Variants in SPOCK1 observed in about 807,000 individuals in gnomAD.
SPOCK1 encodes the protein testican-1.
SPOCK1 carries 23 observed loss-of-function variants against 55.3 expected under a neutral mutation model. That is an observed-to-expected ratio of 0.42 (90% CI 0.30 to 0.59). The LOEUF (loss-of-function observed/expected upper bound fraction) is 0.59, where lower values mean the gene tolerates loss of function less well. Among genes scored for constraint, SPOCK1 ranks in the 20% least tolerant of loss-of-function variants. The pLI, the probability that SPOCK1 is intolerant of heterozygous loss-of-function variation, is 0.22. For synonymous variants in SPOCK1, 226 were observed against 221.0 expected (o/e 1.02, Z -0.20); for missense variants, 499 against 552.5 (o/e 0.90, Z 0.97).
intron 3 of SPOCK1, among the ~76,000 whole-genome samples, chr5:137,175,146 T>C (rs1754831019): frequency 6.6e-6 from 1 of 152,164 alleles, no homozygotes; most frequent in South Asian, 2.1e-4. Context: ...AAATGAGTTA[T>C]GAAGAGGGAG....
At chr5:137,288,357 C>G (rs1201916837) in intron 2 of SPOCK1, among the ~76,000 whole-genome samples, 1 of 152,222 alleles carries the variant, frequency 6.6e-6, no homozygotes, top group Non-Finnish European at 1.5e-5. Flanking sequence ...AATCCTAACT[C>G]TGTCCCAGGT....
intron 3 of SPOCK1, among the ~76,000 whole-genome samples, chr5:137,259,115 G>T (rs1046134919): frequency 6.6e-6 from 1 of 152,168 alleles, no homozygotes; most frequent in African/African-American, 2.4e-5. Context: ...CTACAAGACA[G>T]CTGTGATTAG....
At chr5:137,024,237 G>A (rs1229082961) in intron 6 of SPOCK1, among the ~76,000 whole-genome samples, 2 of 145,098 alleles carry the variant, frequency 1.4e-5, no homozygotes, top group African/African-American at 5.1e-5. Flanking sequence ...GAGGGTGACG[G>A]GTGTAATTAA....
rs757772514 is a variant in SPOCK1 at position 137,164,088 on chromosome 5, G to C, written c.233-23394C>G. ...TGCACTTTTGAGCACTACCAGGCAA[G>C]ACTGATTGCTTGCTGCCCCATAAAT... On this transcript the variant is annotated intron_variant, in intron 3 of 10. Transcript: ENST00000394945. Among the ~76,000 whole-genome samples the C allele has an allele frequency of 1.5e-3, 222 of 152,176 alleles. 6 individuals carry two copies. The highest frequency in any genetic ancestry group is 8.5e-4 in the Admixed American group (13 of 15,280).
chr5:137,054,587 G>A (rs982790692), intron 6 of SPOCK1, among the ~76,000 whole-genome samples: 2 of 152,180 alleles, frequency 1.3e-5, no homozygotes, highest in African/African-American at 4.8e-5. Flanking sequence ...GAGGACAAAG[G>A]AGTCAGTGTG....
At chr5:137,388,247 G>A (rs1347925598) in intron 2 of SPOCK1, among the ~76,000 whole-genome samples, 5 of 152,066 alleles carry the variant, frequency 3.3e-5, no homozygotes, top group Non-Finnish European at 7.4e-5. Flanking sequence ...TCATCTCCTG[G>A]GTAACAGCAT....
intron 2 of SPOCK1, among the ~76,000 whole-genome samples, chr5:137,438,008 C>T (rs1404903499): frequency 1.3e-5 from 2 of 152,248 alleles, no homozygotes; most frequent in East Asian, 3.9e-4. Flanking sequence ...AGAATCATAA[C>T]AGTATTTGTC....
chr5:137,076,373 G>T (rs571618056), intron 5 of SPOCK1, among the ~76,000 whole-genome samples: 1 of 152,264 alleles, frequency 6.6e-6, no homozygotes, highest in East Asian at 1.9e-4. Flanking sequence ...AGGTGCTCCT[G>T]AACTTACTAT....
intron 3 of SPOCK1, among the ~76,000 whole-genome samples, chr5:137,219,639 A>C (rs1255104842): frequency 6.6e-6 from 1 of 152,226 alleles, no homozygotes; most frequent in African/African-American, 2.4e-5. Context: ...GCCAGAAAAC[A>C]CACAGATGTG....
chr5:137,349,913 G>T (rs1380852512), intron 2 of SPOCK1, among the ~76,000 whole-genome samples: 1 of 152,124 alleles, frequency 6.6e-6, no homozygotes, highest in African/African-American at 2.4e-5. Flanking sequence ...TGAGGTACTG[G>T]GGATGAGGAC....
chr5:137,026,096 A>G (rs575491717), intron 6 of SPOCK1, among the ~76,000 whole-genome samples: 8 of 152,256 alleles, frequency 5.3e-5, no homozygotes, highest in African/African-American at 1.7e-4. Flanking sequence ...ACCTGAGGTC[A>G]TCTAGCTCTC....
chr5:137,313,573 G>T, intron 2 of SPOCK1: 1 of 732,574 alleles, frequency 1.4e-6, no homozygotes, highest in Non-Finnish European at 1.7e-6. Context: ...CTCTTAAAAT[G>T]AACCTGACCC....
chr5:137,394,262 T>TA (rs1751793469), intron 2 of SPOCK1, among the ~76,000 whole-genome samples: 6 of 152,240 alleles, frequency 3.9e-5, no homozygotes, highest in Admixed American at 3.9e-4. Context: ...CGGTAGACTG[T>TA]AAAACTCTTT....
At chr5:137,165,759 C>T (rs1050542049) in intron 3 of SPOCK1, among the ~76,000 whole-genome samples, 17 of 152,146 alleles carry the variant, frequency 1.1e-4, no homozygotes, top group Admixed American at 4.6e-4. Flanking sequence ...ACTTGAAAAA[C>T]GCAATTGGCA....
At chr5:137,043,837 TG>T (rs1752048852) in intron 6 of SPOCK1, among the ~76,000 whole-genome samples, 1 of 152,190 alleles carries the variant, frequency 6.6e-6, no homozygotes, top group African/African-American at 2.4e-5. Flanking sequence ...GATGAGATCC[TG>T]GAACAGAAAA....
chr5:137,021,657 C>G (rs1295629335), intron 6 of SPOCK1, among the ~76,000 whole-genome samples: 1 of 152,150 alleles, frequency 6.6e-6, no homozygotes, highest in Non-Finnish European at 1.5e-5. Context: ...ATCTGGCAGC[C>G]ATGAGAGAAC....
At chr5:137,396,613 G>T (rs781010605) in intron 2 of SPOCK1, among the ~76,000 whole-genome samples, 22 of 152,218 alleles carry the variant, frequency 1.4e-4, no homozygotes, top group Non-Finnish European at 2.5e-4. Context: ...ACACATCTAG[G>T]TTGTGATTAG....
intron 2 of SPOCK1, among the ~76,000 whole-genome samples, chr5:137,460,943 C>T (rs538479750): frequency 6.6e-6 from 1 of 152,188 alleles, no homozygotes; most frequent in Non-Finnish European, 1.5e-5. Flanking sequence ...GCCTTCCTGG[C>T]TGCTCTTATT....
intron 3 of SPOCK1, among the ~76,000 whole-genome samples, chr5:137,219,024 G>A (rs1561475236): frequency 6.6e-6 from 1 of 152,172 alleles, no homozygotes; most frequent in Non-Finnish European, 1.5e-5. Flanking sequence ...ACCTTAAGGA[G>A]GCATATGAGA....
Sources: allele counts gnomAD v4.1 joint callset (sites outside exome capture counted in the v4.1 genomes callset), GRCh38; gene constraint gnomAD v4.1.1; transcripts MANE v1.5; gene names NCBI Gene and HGNC (gene_info 2026-07-23, HGNC 2026-07-21).